FAF1: variants seen among roughly 807,000 people sequenced by gnomAD.
FAF1 encodes the protein FAS-associated factor 1.
In FAF1, 25 loss-of-function variants were observed where a neutral mutation model predicts 92.5. That is an observed-to-expected ratio of 0.27 (90% CI 0.20 to 0.38). The LOEUF is 0.38. Among genes scored for constraint, FAF1 ranks in the 10% least tolerant of loss-of-function variants. FAF1 has a pLI of 1.00. For missense variants in FAF1, 636 were observed against 793.3 expected (o/e 0.80, Z 2.38); for synonymous variants, 234 against 273.2 (o/e 0.86, Z 1.42).
intron 2 of FAF1, among the ~76,000 whole-genome samples, chr1:50,832,462 G>A (rs1644163001): frequency 6.6e-6 from 1 of 152,178 alleles, no homozygotes; most frequent in Non-Finnish European, 1.5e-5. Flanking sequence ...GCTAGTAAGT[G>A]CCAATAGCAC....
In FAF1 at chr1:50,636,529, T is replaced by C. The variant is rs76908108; in HGVS notation, c.744+18913A>G. On this transcript the variant is annotated intron_variant, in intron 8 of 18. Coordinates refer to ENST00000396153, the MANE Select transcript of FAF1 (RefSeq NM_007051.3). ...GCCTCCTGAGCAGCTAGGACTACTA[T>C]ACTTTTAGTAGAGAGGGGATTTCAC... Among the ~76,000 whole-genome samples the C allele has an allele frequency of 5.4e-3, 827 of 152,036 alleles. 6 individuals are homozygous for C. The highest frequency in any genetic ancestry group is 8.0e-3 in the Non-Finnish European group (543 of 67,962).
Position 50,468,981 on chromosome 1 carries a change from T to C in FAF1, c.1869+6483A>G, listed in dbSNP as rs186420767. 5.9e-5 allele frequency among the ~76,000 whole-genome samples: 9 copies of C among 152,366 alleles called. No individual in the cohort carries two copies. In the East Asian group the frequency reaches 1.7e-3, roughly 29 times the overall value. ...ATGAATAACCTAAAGAAATATAAAC[T>C]GCCCTTGCTAGTATTTTTCCCTTTA... On this transcript the variant is annotated intron_variant, in intron 18 of 18. Coordinates refer to ENST00000396153, the MANE Select transcript of FAF1 (RefSeq NM_007051.3).
intron 6 of FAF1, among the ~76,000 whole-genome samples, chr1:50,729,246 G>C (rs1658818626): frequency 6.6e-6 from 1 of 150,652 alleles, no homozygotes; most frequent in African/African-American, 2.4e-5. Flanking sequence ...GTAAAGATGG[G>C]GTTTCTCCAT....
intron 2 of FAF1, among the ~76,000 whole-genome samples, chr1:50,822,751 TTTCTTTC>T (rs1557545106): frequency 2.8e-5 from 4 of 142,824 alleles, no homozygotes; most frequent in South Asian, 2.2e-4. Flanking sequence ...GTGTTTTTTC[TTTCTTTC>T]TTTCTTTCTT....
At chr1:50,949,264 C>T (rs980331536) in intron 1 of FAF1, among the ~76,000 whole-genome samples, 6 of 152,204 alleles carry the variant, frequency 3.9e-5, no homozygotes, top group Admixed American at 1.3e-4. Context: ...AACAAGCCCT[C>T]CAAATTATTC....
At chr1:50,812,984 G>A (rs977145140) in intron 2 of FAF1, among the ~76,000 whole-genome samples, 10 of 152,130 alleles carry the variant, frequency 6.6e-5, no homozygotes, top group African/African-American at 1.4e-4. Context: ...ACCAAACATA[G>A]TGTGTTCTCA....
chr1:50,501,619 C>T (rs1646985765), intron 15 of FAF1, among the ~76,000 whole-genome samples: 1 of 151,480 alleles, frequency 6.6e-6, no homozygotes, highest in Admixed American at 6.6e-5. Flanking sequence ...CGAGATTGCA[C>T]CACTGCACTC....
chr1:50,454,327 C>T (rs1386275123), intron 18 of FAF1, among the ~76,000 whole-genome samples: 2 of 152,194 alleles, frequency 1.3e-5, no homozygotes, highest in Admixed American at 6.5e-5. Flanking sequence ...CCTAGACTGT[C>T]CTCCCTCTCC....
intron 7 of FAF1, among the ~76,000 whole-genome samples, chr1:50,668,643 A>G (rs1358430889): frequency 1.3e-5 from 2 of 152,220 alleles, no homozygotes; most frequent in East Asian, 3.8e-4. Flanking sequence ...AAGAAAGTCT[A>G]CTACTGCACA....
intron 4 of FAF1, chr1:50,780,878 T>C (rs181482388): frequency 1.3e-5 from 6 of 473,108 alleles, no homozygotes; most frequent in Admixed American, 8.4e-5. Context: ...GTCACAGAAG[T>C]GGTGGAAGCC....
chr1:50,865,870 A>G (rs1160707984), intron 1 of FAF1, among the ~76,000 whole-genome samples: 3 of 151,854 alleles, frequency 2.0e-5, no homozygotes, highest in African/African-American at 7.2e-5. Context: ...AGAAAAGATG[A>G]ACAAAATTCA....
chr1:50,719,286 T>C (rs911164155), intron 6 of FAF1, among the ~76,000 whole-genome samples: 2 of 152,214 alleles, frequency 1.3e-5, no homozygotes, highest in African/African-American at 4.8e-5. Flanking sequence ...CATTCTTAAT[T>C]AACACCCTGC....
rs114490430 is a variant in FAF1 at position 50,593,168 on chromosome 1, C to T, written c.840+2953G>A. 2.9e-3 allele frequency among the ~76,000 whole-genome samples: 440 copies of T among 152,014 alleles called. 2 individuals carry two copies. Among genetic ancestry groups the T allele is most frequent in the Admixed American group, 5.8e-3 (89 of 15,254 alleles). On this transcript the variant is annotated intron_variant, in intron 9 of 18. Transcript: ENST00000396153. ...TTATTCAGTAATAATAAGATATTACCGAGGTTGTGAATGTTTTAGTTTGGC... is the reference window on the plus strand; with the variant it reads ...TTATTCAGTAATAATAAGATATTACTGAGGTTGTGAATGTTTTAGTTTGGC...
At chr1:50,956,624 G>C (rs755175046) in intron 1 of FAF1, among the ~76,000 whole-genome samples, 1 of 152,128 alleles carries the variant, frequency 6.6e-6, no homozygotes, top group Non-Finnish European at 1.5e-5. Flanking sequence ...CCAAGTATCC[G>C]TATGCCAAGT....
chr1:50,761,368 A>AG (rs1265783624), intron 4 of FAF1, among the ~76,000 whole-genome samples: 2 of 152,154 alleles, frequency 1.3e-5, no homozygotes, highest in Non-Finnish European at 2.9e-5. Context: ...TACCAAAGCC[A>AG]GGCAGAGACA....
At chr1:50,745,546 T>G (rs1330517626) in intron 4 of FAF1, among the ~76,000 whole-genome samples, 1 of 152,070 alleles carries the variant, frequency 6.6e-6, no homozygotes, top group Non-Finnish European at 1.5e-5. Context: ...GCTGTTCTTG[T>G]GGTAGGGTTC....
At chr1:50,674,274 T>C (rs1656023092) in intron 7 of FAF1, among the ~76,000 whole-genome samples, 1 of 152,040 alleles carries the variant, frequency 6.6e-6, no homozygotes, top group Admixed American at 6.6e-5. Context: ...TTTTTTTTAT[T>C]GTACCATGAC....
At chr1:50,608,070 G>GT (rs749324575) in intron 8 of FAF1, among the ~76,000 whole-genome samples, 9 of 152,266 alleles carry the variant, frequency 5.9e-5, no homozygotes, top group Non-Finnish European at 1.2e-4. Flanking sequence ...TGTGCTCAGA[G>GT]TAGCAGCTCA....
At chr1:50,599,241 C>T (rs1651980815) in intron 8 of FAF1, among the ~76,000 whole-genome samples, 1 of 152,044 alleles carries the variant, frequency 6.6e-6, no homozygotes, top group African/African-American at 2.4e-5. Context: ...GCCTCCGAAG[C>T]AGCTGGGATT....
Sources: gnomAD v4.1 joint callset for allele counts (sites outside exome capture counted in the v4.1 genomes callset) on GRCh38, gnomAD v4.1.1 for gene constraint, MANE v1.5 for transcripts, NCBI Gene and HGNC (gene_info 2026-07-23, HGNC 2026-07-21) for gene names.